Variants in SCN11A observed in about 807,000 individuals in gnomAD.
SCN11A encodes the protein sodium channel protein type 11 subunit alpha.
In SCN11A, 122 loss-of-function variants were observed where a neutral mutation model predicts 162.2. The observed-to-expected ratio is 0.75, with a 90% CI of 0.65 to 0.87. SCN11A has a LOEUF of 0.87. Ranked by LOEUF, SCN11A falls within the 40% of genes least tolerant of loss-of-function variation. The probability of loss-of-function intolerance (pLI) is 0.00; values close to 1 mark genes in which losing one functional copy is unlikely to be tolerated. For synonymous variants in SCN11A, 758 were observed against 751.5 expected (o/e 1.01, Z -0.14); for missense variants, 2,015 against 2,181.6 (o/e 0.92, Z 1.52).
intron 6 of SCN11A, 61 bp downstream of exon 6, chr3:38,946,728 C>A: frequency 9.3e-7 from 1 of 1,072,752 alleles, no homozygotes; most frequent in Non-Finnish European, 1.4e-6. Flanking sequence ...ACATGAACAC[C>A]GTGGGGCACG....
chr3:39,010,903 G>A (rs1575357797), intron 2 of SCN11A, among the ~76,000 whole-genome samples: 2 of 152,150 alleles, frequency 1.3e-5, no homozygotes, highest in East Asian at 1.9e-4. Flanking sequence ...TGTGTGGTTT[G>A]AAGAAAAACT....
At chr3:38,925,335 GA>G (rs2066121494) in intron 9 of SCN11A, 79 bp downstream of exon 9, 3 of 942,574 alleles carry the variant, frequency 3.2e-6, no homozygotes, top group Non-Finnish European at 3.3e-6. Flanking sequence ...TGGTTTACAT[GA>G]TGACATTTTG....
chr3:38,943,067 A>C (rs2066464166), intron 7 of SCN11A, among the ~76,000 whole-genome samples: 1 of 152,174 alleles, frequency 6.6e-6, no homozygotes, highest in Non-Finnish European at 1.5e-5. Flanking sequence ...GAAATAATGC[A>C]AATGTGCATC....
intron 2 of SCN11A, among the ~76,000 whole-genome samples, chr3:38,991,289 CTTG>C (rs1469779608): frequency 6.6e-6 from 1 of 152,136 alleles, no homozygotes; most frequent in South Asian, 2.1e-4. Flanking sequence ...AGGGCCAGTC[CTTG>C]GGCAGCAACT....
intron 28 of SCN11A, among the ~76,000 whole-genome samples, chr3:38,852,840 T>C (rs2064805449): frequency 6.6e-6 from 1 of 152,230 alleles, no homozygotes; most frequent in African/African-American, 2.4e-5. Flanking sequence ...CTTCTGGTGA[T>C]ATGATGTTGG....
chr3:39,039,155 G>T (rs191187215), intron 1 of SCN11A, among the ~76,000 whole-genome samples: 15 of 152,336 alleles, frequency 9.8e-5, no homozygotes, highest in African/African-American at 3.6e-4. Flanking sequence ...TCAGATGGCA[G>T]TCTCAGCTCC....
At chr3:38,937,460 C>T (rs915814230) in intron 7 of SCN11A, among the ~76,000 whole-genome samples, 11 of 150,870 alleles carry the variant, frequency 7.3e-5, no homozygotes, top group Middle Eastern at 3.4e-3. Flanking sequence ...AGAAAATTTT[C>T]GCAACCTACT....
At chr3:38,926,065 A>G (rs1559536261) in intron 8 of SCN11A, among the ~76,000 whole-genome samples, 2 of 152,244 alleles carry the variant, frequency 1.3e-5, no homozygotes, top group African/African-American at 4.8e-5. Context: ...TGCTTAACAT[A>G]ATGCCTGGTA....
At chr3:38,987,871 C>A (rs2030313380) in intron 2 of SCN11A, among the ~76,000 whole-genome samples, 1 of 152,156 alleles carries the variant, frequency 6.6e-6, no homozygotes, top group South Asian at 2.1e-4. Flanking sequence ...TATTTCACTG[C>A]CCTGTTTCTG....
intron 2 of SCN11A, among the ~76,000 whole-genome samples, chr3:38,985,620 G>A (rs2030213533): frequency 6.6e-6 from 1 of 151,114 alleles, no homozygotes; most frequent in Admixed American, 6.6e-5. Context: ...ATTTGCTGAT[G>A]TGGATTGTGA....
intron 5 of SCN11A, among the ~76,000 whole-genome samples, chr3:38,949,529 C>T (rs2066568589): frequency 6.6e-6 from 1 of 152,162 alleles, no homozygotes; most frequent in African/African-American, 2.4e-5. Flanking sequence ...CCCTATTAGT[C>T]TCATTTAATA....
intron 28 of SCN11A, 76 bp downstream of exon 28, chr3:38,863,119 A>G (rs2064990051): frequency 7.0e-6 from 6 of 852,636 alleles, no homozygotes; most frequent in Non-Finnish European, 1.2e-5. Flanking sequence ...ATAAAGAAGG[A>G]TGGCATTACG....
intron 2 of SCN11A, among the ~76,000 whole-genome samples, chr3:39,029,565 G>A (rs57853578): frequency 0.083 from 12,572 of 152,260 alleles, 736 homozygotes; most frequent in African/African-American, 0.16. Context: ...GATGGTTCAA[G>A]GCAAACGTAG....
chr3:39,037,694 A>G (rs1344001631), intron 1 of SCN11A, among the ~76,000 whole-genome samples: 2 of 152,314 alleles, frequency 1.3e-5, no homozygotes, highest in South Asian at 2.1e-4. Flanking sequence ...ACACTATCCC[A>G]TTTTATATCA....
At chr3:38,891,567 T>C (rs2065500245) in intron 19 of SCN11A, among the ~76,000 whole-genome samples, 1 of 152,158 alleles carries the variant, frequency 6.6e-6, no homozygotes, top group South Asian at 2.1e-4. Flanking sequence ...CTGAAATTAG[T>C]AATTTATAAA....
At chr3:39,044,107 T>C (rs981659248) in intron 1 of SCN11A, among the ~76,000 whole-genome samples, 2 of 152,164 alleles carry the variant, frequency 1.3e-5, no homozygotes, top group Non-Finnish European at 2.9e-5. Flanking sequence ...AAAAAGAATG[T>C]CATTATATAA....
chr3:38,947,914 T>C (rs2125575025), intron 5 of SCN11A, among the ~76,000 whole-genome samples: 1 of 152,356 alleles, frequency 6.6e-6, no homozygotes, highest in East Asian at 1.9e-4. Context: ...TACTTGGCCA[T>C]GTAATACAGC....
chr3:38,977,715 T>TC (rs1553647295), intron 2 of SCN11A, among the ~76,000 whole-genome samples: 1 of 152,206 alleles, frequency 6.6e-6, no homozygotes, highest in Non-Finnish European at 1.5e-5. Context: ...CAACATGCCT[T>TC]GGAGCTTCCC....
chr3:39,033,702 G>C (rs944361166), intron 1 of SCN11A, among the ~76,000 whole-genome samples: 2 of 152,144 alleles, frequency 1.3e-5, no homozygotes, highest in African/African-American at 4.8e-5. Flanking sequence ...TCACAGTACA[G>C]CTGGCCCTCA....
Sources: gnomAD v4.1 joint callset for allele counts (sites outside exome capture counted in the v4.1 genomes callset) on GRCh38, gnomAD v4.1.1 for gene constraint, MANE v1.5 for transcripts, NCBI Gene and HGNC (gene_info 2026-07-23, HGNC 2026-07-21) for gene names.